The following XPR1 variants were observed in gnomAD, a reference collection of about 807,000 sequenced individuals.
XPR1 encodes xenotropic and polytropic retrovirus receptor 1, also known as solute carrier family 53 member 1.
In XPR1, 28 loss-of-function variants were observed where a neutral mutation model predicts 87.5. The ratio of observed to expected loss-of-function variants is 0.32; its 90% confidence interval spans 0.24 to 0.44. XPR1 has a LOEUF of 0.44. Among genes scored for constraint, XPR1 ranks in the 20% least tolerant of loss-of-function variants. The probability of loss-of-function intolerance (pLI) is 1.00; values close to 1 mark genes in which losing one functional copy is unlikely to be tolerated. For missense variants in XPR1, 559 were observed against 862.3 expected (o/e 0.65, Z 4.41); for synonymous variants, 300 against 306.1 (o/e 0.98, Z 0.21).
chr1:180,699,139 A>C (rs1657266315), intron 2 of XPR1, among the ~76,000 whole-genome samples: 1 of 151,390 alleles, frequency 6.6e-6, no homozygotes, highest in Non-Finnish European at 1.5e-5. Context: ...GATTCCTAGA[A>C]TTAGAATATT....
rs141681016 is a variant in XPR1 at position 180,667,855 on chromosome 1, A to G, written c.70-14505A>G. The stretch of plus-strand genomic sequence containing the variant: ...GGAATTTGTCCATTTCATCTGGATT[A>G]TCCAATTTTTTGGTGCATAGTTGTT... On this transcript the variant is annotated intron_variant, in intron 1 of 14. Coordinates refer to ENST00000367590, the MANE Select transcript of XPR1 (RefSeq NM_004736.4). Among the ~76,000 whole-genome samples, 505 of 152,242 alleles carry G rather than the reference A, an allele frequency of 3.3e-3. 2 individuals are homozygous for G. Among genetic ancestry groups the G allele is most frequent in the Non-Finnish European group, 6.4e-3 (435 of 68,022 alleles).
At chr1:180,862,619 GAATGA>G (rs1181084818) in intron 11 of XPR1, among the ~76,000 whole-genome samples, 1 of 151,942 alleles carries the variant, frequency 6.6e-6, no homozygotes, top group Non-Finnish European at 1.5e-5. Context: ...AATTTATAAT[GAATGA>G]ATGTTTCACT....
intron 1 of XPR1, among the ~76,000 whole-genome samples, chr1:180,669,024 G>A (rs570376404): frequency 1.3e-5 from 2 of 151,518 alleles, no homozygotes; most frequent in Non-Finnish European, 2.9e-5. Flanking sequence ...GGGAGGCAGA[G>A]GTTGCAGAGA....
intron 2 of XPR1, among the ~76,000 whole-genome samples, chr1:180,682,694 T>C (rs1305806684): frequency 6.6e-6 from 1 of 152,062 alleles, no homozygotes; most frequent in East Asian, 1.9e-4. Context: ...GTGTAATGCT[T>C]CCTTGCCTTC....
At chr1:180,665,250 A>G (rs933709065) in intron 1 of XPR1, among the ~76,000 whole-genome samples, 5 of 152,192 alleles carry the variant, frequency 3.3e-5, no homozygotes, top group African/African-American at 9.6e-5. Flanking sequence ...CTCACTCACT[A>G]TCGCAAGAAC....
chr1:180,886,782 C>T lies in XPR1; in HGVS notation c.*2716C>T, dbSNP rs1162548489. ...CAAAAAAGGCAATGTGCACTTTCCT[C>T]TCCTAAATTTTATATGCCCTAGCAG... On this transcript the variant is annotated 3_prime_UTR_variant, in exon 15 of 15. Coordinates refer to ENST00000367590, the MANE Select transcript of XPR1 (RefSeq NM_004736.4). 6.6e-6 allele frequency: 1 copy of T among 152,214 alleles called. No individual in the cohort carries two copies. Among genetic ancestry groups the T allele is most frequent in the Admixed American group, 6.5e-5 (1 of 15,284 alleles). The allele number at this position is 152,214 out of a possible 1,614,324, so 9.4% of individuals were successfully genotyped here.
At position 180,884,535 on chromosome 1, in the gene XPR1, G is replaced by A. The variant is rs1268702670; in HGVS notation, c.*469G>A. On this transcript the variant is annotated 3_prime_UTR_variant, in exon 15 of 15. Coordinates refer to ENST00000367590, the MANE Select transcript of XPR1 (RefSeq NM_004736.4). ...TTTTTTTCTTTCCTTCATACCCAGC[G>A]CAAAGGCACTGGCCGCACTTGCAGG... The A allele has an allele frequency of 1.3e-5, 2 of 152,716 alleles. No homozygotes were observed. The highest frequency in any genetic ancestry group is 6.5e-5 in the Admixed American group (1 of 15,286). 9.5% of individuals were successfully genotyped at this position (152,716 alleles called of 1,614,324 possible). A position where few individuals can be genotyped will look rare whatever the true frequency, so the allele number is the denominator to read the frequency against.
Position 180,823,635 on chromosome 1 carries a change from G to GTC in XPR1, c.764-1117_764-1116insCT, listed in dbSNP as rs774717951. Among the ~76,000 whole-genome samples the GTC allele has an allele frequency of 2.6e-5, 4 of 152,280 alleles. No homozygotes were observed. In the East Asian group the frequency reaches 7.7e-4, roughly 29 times the overall value. On this transcript the variant is annotated intron_variant, in intron 7 of 14. Transcript: ENST00000367590. ...GAAGAATTTGAATTGTGAGGCTAAG[G>GTC]TATCTAAAGTATTTGAACATTATAA...
At chr1:180,857,984 A>G (rs1652091166) in intron 11 of XPR1, among the ~76,000 whole-genome samples, 1 of 152,206 alleles carries the variant, frequency 6.6e-6, no homozygotes, top group Admixed American at 6.5e-5. Flanking sequence ...TGATAGGCCG[A>G]GGCAGGCAGA....
intron 2 of XPR1, among the ~76,000 whole-genome samples, chr1:180,770,419 T>C (rs112578520): frequency 1.3e-5 from 2 of 152,142 alleles, no homozygotes; most frequent in Admixed American, 1.3e-4. Context: ...TGTTTTTCTC[T>C]TTTTAATTTA....
intron 2 of XPR1, among the ~76,000 whole-genome samples, chr1:180,694,773 G>GCGCACACACA (rs1553237455): frequency 1.3e-5 from 2 of 149,512 alleles, no homozygotes; most frequent in African/African-American, 4.9e-5. Context: ...ATTGTTGTGT[G>GCGCACACACA]CACACACACA....
chr1:180,633,765 C>T (rs1366901584), intron 1 of XPR1, among the ~76,000 whole-genome samples: 1 of 152,176 alleles, frequency 6.6e-6, no homozygotes, highest in East Asian at 1.9e-4. Context: ...AGTTTTAAAA[C>T]CTTGGCTAGA....
At position 180,801,023 on chromosome 1, in the gene XPR1, A is replaced by C. The variant is rs548250482; in HGVS notation, c.224-2365A>C. Among the ~76,000 whole-genome samples the C allele has an allele frequency of 8.5e-5, 13 of 152,304 alleles. 1 individual carries two copies. In the South Asian group the frequency reaches 2.7e-3, roughly 32 times the overall value. ...TTGCCCATTTCTGTCTTTCCTAGGG[A>C]TAACCATGATCAATTAACCACAGCC... On this transcript the variant is annotated intron_variant, in intron 3 of 14. Coordinates refer to ENST00000367590, the MANE Select transcript of XPR1 (RefSeq NM_004736.4).
intron 3 of XPR1, among the ~76,000 whole-genome samples, chr1:180,796,250 T>G (rs1467806187): frequency 2.0e-5 from 3 of 152,200 alleles, no homozygotes; most frequent in Non-Finnish European, 4.4e-5. Context: ...TCTAGAAAAC[T>G]GAAGTGTCAT....
Position 180,834,894 on chromosome 1 carries a change from C to T in XPR1, c.1155C>T (p.Pro385=), listed in dbSNP as rs780314663. 3.1e-6 allele frequency: 5 copies of T among 1,612,090 alleles called. No individual in the cohort carries two copies. The highest frequency in any genetic ancestry group is 1.7e-5 in the Admixed American group (1 of 59,700). ...TTCAGTTTCGAGTATTTACAGCCCC[C>T]TTCCATAAGGTAGGCTTTGCTGATT... The part of the protein sequence containing the change: ...LKLLFRVFTA[P]FHKVGFADFW... Residue 385 remains proline, a synonymous_variant, in exon 10 of 15, where the codon CCC becomes CCT. Transcript: ENST00000367590.
intron 3 of XPR1, among the ~76,000 whole-genome samples, chr1:180,797,896 G>T (rs1649643999): frequency 6.6e-6 from 1 of 152,116 alleles, no homozygotes; most frequent in Non-Finnish European, 1.5e-5. Flanking sequence ...AACGCTAAGG[G>T]CATCATGAAC....
intron 2 of XPR1, among the ~76,000 whole-genome samples, chr1:180,708,218 T>A (rs187405377): frequency 4.1e-4 from 63 of 152,260 alleles, no homozygotes; most frequent in African/African-American, 1.4e-3. Flanking sequence ...TAGCCAGTGG[T>A]TTTTGCCTAC....
In XPR1 at chr1:180,632,225, C is replaced by T. The variant is rs1364864402; in HGVS notation, c.24C>T (p.Ser8=). The change falls in exon 1 of 15, where the codon TCC becomes TCT. Residue 8 remains serine, a synonymous_variant. Transcript: ENST00000367590. The part of the protein sequence containing the change: MKFAEHL[S]AHITPEWRKQ... ...GGATGAAGTTCGCCGAGCACCTCTC[C>T]GCGCACATCACTCCCGAGTGGAGGA... The T allele has an allele frequency of 1.9e-6, 3 of 1,611,610 alleles. No homozygotes were observed. The highest frequency in any genetic ancestry group is 1.3e-5 in the African/African-American group (1 of 75,000).
chr1:180,633,629 A>C (rs1260268342), intron 1 of XPR1, among the ~76,000 whole-genome samples: 1 of 148,492 alleles, frequency 6.7e-6, no homozygotes, highest in East Asian at 1.9e-4. Context: ...AAAGGCCTAT[A>C]ATTATTAATG....
Sources: allele counts gnomAD v4.1 joint callset (sites outside exome capture counted in the v4.1 genomes callset), GRCh38; gene constraint gnomAD v4.1.1; transcripts MANE v1.5; gene names NCBI Gene and HGNC (gene_info 2026-07-23, HGNC 2026-07-21).